The following SKAP2 variants were observed in gnomAD, a reference collection of about 807,000 sequenced individuals.
SKAP2 encodes the protein src kinase associated phosphoprotein 2, also known as src kinase-associated phosphoprotein 2.
In SKAP2, 28 loss-of-function variants were observed where a neutral mutation model predicts 54.9. The ratio of observed to expected loss-of-function variants is 0.51; its 90% CI spans 0.38 to 0.70. The LOEUF is 0.70. SKAP2 is among the 30% of genes least tolerant of loss of function. The pLI is 0.00. For missense variants in SKAP2, 356 were observed against 424.1 expected (o/e 0.84, Z 1.41); for synonymous variants, 137 against 134.3 (o/e 1.02, Z -0.14).
At chr7:26,864,055 T>TCACACACTCACACACACACACA (rs1554310124) in intron 1 of SKAP2, among the ~76,000 whole-genome samples, 89 of 143,430 alleles carry the variant, frequency 6.2e-4, no homozygotes, top group African/African-American at 2.2e-3. Flanking sequence ...CGCCCTTCTG[T>TCACACACTCACACACACACACA]CACACACACA....
At position 26,795,540 on chromosome 7, in the gene SKAP2, C is replaced by T. The variant is rs148307522; in HGVS notation, c.307+48490G>A. On this transcript the variant is annotated intron_variant, in intron 4 of 12. Coordinates refer to ENST00000345317, the MANE Select transcript of SKAP2 (RefSeq NM_003930.5). ...GTAATCAACATTTATTAGCAAGATACGATTCTCAGCACTGTAAGTGGAACA... is the reference window on the plus strand; with the variant it reads ...GTAATCAACATTTATTAGCAAGATATGATTCTCAGCACTGTAAGTGGAACA... 5.3e-3 allele frequency among the ~76,000 whole-genome samples: 806 copies of T among 152,190 alleles called. 7 individuals are homozygous for T. The highest frequency in any genetic ancestry group is 0.018 in the African/African-American group (764 of 41,510).
At chr7:26,839,846 T>C (rs1036647181) in intron 4 of SKAP2, among the ~76,000 whole-genome samples, 3 of 152,084 alleles carry the variant, frequency 2.0e-5, no homozygotes, top group Admixed American at 2.0e-4. Context: ...TATCTAAGCC[T>C]GTTTTAGACA....
At chr7:26,743,766 A>T (rs1301306878) in intron 4 of SKAP2, among the ~76,000 whole-genome samples, 1 of 152,232 alleles carries the variant, frequency 6.6e-6, no homozygotes, top group East Asian at 1.9e-4. Context: ...GTCTTCTTCC[A>T]GCATGCAATT....
chr7:26,687,882 C>T (rs552121428), intron 10 of SKAP2, among the ~76,000 whole-genome samples: 2 of 151,910 alleles, frequency 1.3e-5, no homozygotes, highest in Non-Finnish European at 2.9e-5. Flanking sequence ...GGCTTTACTA[C>T]ATGGATTAAT....
chr7:26,857,402 GTTTTTAAGC>G, intron 1 of SKAP2: 1 of 966,902 alleles, frequency 1.0e-6, no homozygotes, highest in African/African-American at 1.8e-5. Flanking sequence ...AACTTGGTTG[GTTTTTAAGC>G]TTTTGAAATC....
intron 4 of SKAP2, among the ~76,000 whole-genome samples, chr7:26,776,485 T>A (rs1488212105): frequency 1.3e-5 from 2 of 152,050 alleles, no homozygotes; most frequent in African/African-American, 4.8e-5. Context: ...CTTCCTATAA[T>A]CTCTATCTCT....
At chr7:26,779,836 T>C (rs1783389414) in intron 4 of SKAP2, among the ~76,000 whole-genome samples, 1 of 152,046 alleles carries the variant, frequency 6.6e-6, no homozygotes, top group South Asian at 2.1e-4. Flanking sequence ...GAGCCTGTTA[T>C]ACAATAATCC....
intron 4 of SKAP2, among the ~76,000 whole-genome samples, chr7:26,764,336 A>G (rs989250): frequency 0.43 from 65,249 of 151,956 alleles, 14,481 homozygotes; most frequent in Middle Eastern, 0.49. Flanking sequence ...GAAGAAGAAG[A>G]AAACATAGAT....
the SKAP2 span, among the ~76,000 whole-genome samples, chr7:26,661,986 A>C: frequency 3.3e-5 from 5 of 152,148 alleles, no homozygotes; most frequent in African/African-American, 1.2e-4. Flanking sequence ...AAGGAAACTT[A>C]TTCTAGGGCA....
At chr7:26,827,952 A>AAAAT (rs1784524366) in intron 4 of SKAP2, among the ~76,000 whole-genome samples, 2 of 152,198 alleles carry the variant, frequency 1.3e-5, no homozygotes, top group Non-Finnish European at 2.9e-5. Flanking sequence ...ACACAGGGAA[A>AAAAT]AAATAAATAA....
chr7:26,727,908 C>A (rs1317337060), intron 6 of SKAP2, among the ~76,000 whole-genome samples: 1 of 152,090 alleles, frequency 6.6e-6, no homozygotes, highest in Non-Finnish European at 1.5e-5. Flanking sequence ...GGGACAAACT[C>A]TTTTACTGAG....
chr7:26,778,888 A>G (rs987209963), intron 4 of SKAP2, among the ~76,000 whole-genome samples: 9 of 151,998 alleles, frequency 5.9e-5, no homozygotes, highest in African/African-American at 2.2e-4. Flanking sequence ...AATTACAATG[A>G]TCTTCACTGT....
At chr7:26,824,343 G>A (rs918146738) in intron 4 of SKAP2, among the ~76,000 whole-genome samples, 2 of 152,138 alleles carry the variant, frequency 1.3e-5, no homozygotes, top group Admixed American at 6.6e-5. Context: ...TAGTAGTAAG[G>A]AATACAAATT....
intron 4 of SKAP2, among the ~76,000 whole-genome samples, chr7:26,770,017 G>A (rs891994891): frequency 1.3e-5 from 2 of 152,134 alleles, no homozygotes; most frequent in African/African-American, 4.8e-5. Context: ...GAGCCAGCAG[G>A]CAGGAACATT....
chr7:26,805,974 G>A (rs1021851883), intron 4 of SKAP2, among the ~76,000 whole-genome samples: 6 of 151,856 alleles, frequency 4.0e-5, no homozygotes, highest in African/African-American at 1.5e-4. Flanking sequence ...TCACCTTTTG[G>A]TAATTTTCAC....
intron 9 of SKAP2, among the ~76,000 whole-genome samples, chr7:26,720,532 T>C (rs1049986238): frequency 1.3e-5 from 2 of 152,152 alleles, no homozygotes; most frequent in Non-Finnish European, 2.9e-5. Context: ...TAAGCAGATT[T>C]TAGAGCTGAA....
intron 4 of SKAP2, among the ~76,000 whole-genome samples, chr7:26,795,003 A>G (rs1783745034): frequency 6.6e-6 from 1 of 152,210 alleles, no homozygotes; most frequent in African/African-American, 2.4e-5. Flanking sequence ...ATTGAGGTTA[A>G]TAGAGGTTTG....
At chr7:26,761,223 T>G (rs1165340079) in intron 4 of SKAP2, among the ~76,000 whole-genome samples, 4 of 152,190 alleles carry the variant, frequency 2.6e-5, no homozygotes, top group African/African-American at 9.6e-5. Context: ...AAGTTACACT[T>G]TAATGCAACA....
intron 4 of SKAP2, among the ~76,000 whole-genome samples, chr7:26,802,759 T>C (rs1054887378): frequency 6.6e-6 from 1 of 151,984 alleles, no homozygotes; most frequent in Non-Finnish European, 1.5e-5. Context: ...CACGTGCCTG[T>C]AGTCCCAGCT....
Sources: gnomAD v4.1 joint callset for allele counts (sites outside exome capture counted in the v4.1 genomes callset) on GRCh38, gnomAD v4.1.1 for gene constraint, MANE v1.5 for transcripts, NCBI Gene and HGNC (gene_info 2026-07-23, HGNC 2026-07-21) for gene names.